SLC24A2: variants seen among roughly 807,000 people sequenced by gnomAD.
SLC24A2 encodes solute carrier family 24 member 2.
SLC24A2 carries 36 observed loss-of-function variants against 62.0 expected under a neutral mutation model. The ratio of observed to expected loss-of-function variants is 0.58; its 90% CI spans 0.44 to 0.77. SLC24A2 has a LOEUF of 0.77. Ranked by LOEUF, SLC24A2 falls within the 30% of genes least tolerant of loss-of-function variation. SLC24A2 has a pLI of 0.00. For missense variants in SLC24A2, 846 were observed against 817.9 expected, an observed-to-expected ratio of 1.03 and a Z score of -0.42; for synonymous variants, 358 against 294.0, an observed-to-expected ratio of 1.22 and a Z score of -2.23.
At chr9:19,698,609 C>T (rs148876932) in intron 2 of SLC24A2, among the ~76,000 whole-genome samples, 5 of 152,224 alleles carry the variant, frequency 3.3e-5, no homozygotes, top group African/African-American at 7.2e-5. Context: ...TTCATTTGTT[C>T]GCTCCTTTTA....
At chr9:19,648,215 C>G (rs1041495763) in intron 2 of SLC24A2, among the ~76,000 whole-genome samples, 1 of 152,166 alleles carries the variant, frequency 6.6e-6, no homozygotes, top group African/African-American at 2.4e-5. Flanking sequence ...CAAGGTTAAA[C>G]AACATGTTCA....
At chr9:19,574,456 T>C (rs747794131) in intron 6 of SLC24A2, among the ~76,000 whole-genome samples, 1 of 152,164 alleles carries the variant, frequency 6.6e-6, no homozygotes, top group Non-Finnish European at 1.5e-5. Flanking sequence ...GTTTCACCCT[T>C]TGCAAGTGAC....
the SLC24A2 span, among the ~76,000 whole-genome samples, chr9:20,100,230 T>C: frequency 9.2e-5 from 14 of 152,180 alleles, no homozygotes; most frequent in African/African-American, 3.4e-4. Context: ...TGTTTTGTTT[T>C]GTTTTGTTTT....
intron 8 of SLC24A2, among the ~76,000 whole-genome samples, chr9:19,546,353 G>T (rs964393781): frequency 6.6e-6 from 1 of 152,176 alleles, no homozygotes; most frequent in South Asian, 2.1e-4. Context: ...ATGTTTGGGG[G>T]TACTGCCTTT....
the SLC24A2 span, among the ~76,000 whole-genome samples, chr9:19,992,596 C>T: frequency 6.6e-6 from 1 of 152,282 alleles, no homozygotes; most frequent in East Asian, 1.9e-4. Flanking sequence ...ATTTTATGTG[C>T]TTCTGCAAGA....
At chr9:20,278,771 C>T in the SLC24A2 span, among the ~76,000 whole-genome samples, 2 of 152,322 alleles carry the variant, frequency 1.3e-5, no homozygotes, top group East Asian at 1.9e-4. Flanking sequence ...CCAACCTTTA[C>T]CTGCCCAGTT....
At chr9:20,185,705 C>G in the SLC24A2 span, among the ~76,000 whole-genome samples, 5 of 151,600 alleles carry the variant, frequency 3.3e-5, no homozygotes, top group Admixed American at 3.3e-4. Flanking sequence ...AAACATTACT[C>G]AGCCCCCAAC....
the SLC24A2 span, among the ~76,000 whole-genome samples, chr9:20,077,962 G>T: frequency 2.0e-5 from 3 of 152,146 alleles, no homozygotes; most frequent in Non-Finnish European, 4.4e-5. Context: ...TAGAGGTTAG[G>T]CTCCACTAAA....
the SLC24A2 span, among the ~76,000 whole-genome samples, chr9:19,809,009 T>C: frequency 2.0e-5 from 3 of 152,224 alleles, no homozygotes; most frequent in Admixed American, 1.3e-4. Flanking sequence ...TCTCCAAAGA[T>C]TGAGGTTCTG....
chr9:19,560,914 TATAGAGAGAGAGAGAGAG>T lies in SLC24A2; in HGVS notation c.1348-10664_1348-10647del, dbSNP rs1382484507. On this transcript the variant is annotated intron_variant, in intron 7 of 10. Coordinates refer to ENST00000341998, the MANE Select transcript of SLC24A2 (RefSeq NM_020344.4). ...GTGTGTGTGTATATATATATATATA[TATAGAGAGAGAGAGAGAG>T]AGAGAGAGAGAGAGACAGAGTCTTA... Among the ~76,000 whole-genome samples the T allele has an allele frequency of 4.0e-4, 43 of 106,444 alleles. No homozygotes were observed. In the East Asian group the frequency reaches 0.013, roughly 32 times the overall value. 69.8% of individuals were successfully genotyped at this position (106,444 alleles called of 152,430 possible). A position where few individuals can be genotyped will look rare whatever the true frequency, so the allele number is the denominator to read the frequency against.
chr9:19,767,916 T>G (rs1374441269), intron 2 of SLC24A2, among the ~76,000 whole-genome samples: 2 of 152,196 alleles, frequency 1.3e-5, no homozygotes, highest in Admixed American at 1.3e-4. Context: ...AGGCTGCACC[T>G]GCTAAGAGTC....
the SLC24A2 span, among the ~76,000 whole-genome samples, chr9:20,032,661 G>A: frequency 6.6e-6 from 1 of 152,262 alleles, no homozygotes; most frequent in African/African-American, 2.4e-5. Context: ...TGAGTGCTCA[G>A]TTTTTCAGTT....
the SLC24A2 span, among the ~76,000 whole-genome samples, chr9:19,971,287 C>T: frequency 2.0e-5 from 3 of 152,136 alleles, no homozygotes; most frequent in African/African-American, 7.2e-5. Flanking sequence ...CTTCCAGATG[C>T]ATGAGTAAAG....
intron 7 of SLC24A2, among the ~76,000 whole-genome samples, chr9:19,564,020 AT>A (rs969955567): frequency 6.6e-6 from 1 of 151,606 alleles, no homozygotes; most frequent in African/African-American, 2.4e-5. Flanking sequence ...TGCCCTGCTA[AT>A]TTTTTGTATT....
In SLC24A2 at chr9:19,509,649, C is replaced by G. The variant is rs545561541; in HGVS notation, c.*6504G>C. 1 of 152,118 alleles carries G rather than the reference C, an allele frequency of 6.6e-6. No individual in the cohort carries two copies. The highest frequency in any genetic ancestry group is 2.1e-4 in the South Asian group (1 of 4,810). 9.4% of individuals were successfully genotyped at this position (152,118 alleles called of 1,614,324 possible). ...AATTAAATGGCAAGAAGTTATCTAC[C>G]CTTAATTTATGCATGTAATTTCATC... On this transcript the variant is annotated 3_prime_UTR_variant, in exon 11 of 11. Transcript: ENST00000341998.
the SLC24A2 span, among the ~76,000 whole-genome samples, chr9:20,005,333 T>C: frequency 1.0e-3 from 156 of 152,270 alleles, 1 homozygote; most frequent in African/African-American, 3.6e-3. Context: ...TAAAAGTGTT[T>C]AAGGAATCAA....
At chr9:20,070,878 T>C in the SLC24A2 span, among the ~76,000 whole-genome samples, 3 of 152,188 alleles carry the variant, frequency 2.0e-5, no homozygotes, top group Non-Finnish European at 2.9e-5. Flanking sequence ...GGATCTATGT[T>C]CCTGCCCAAA....
the SLC24A2 span, among the ~76,000 whole-genome samples, chr9:20,089,270 G>A: frequency 3.7e-4 from 56 of 152,054 alleles, 1 homozygote; most frequent in East Asian, 8.1e-3. Context: ...TACAGGTCCC[G>A]GTCCCGGTCC....
At chr9:20,136,197 A>G in the SLC24A2 span, among the ~76,000 whole-genome samples, 1 of 152,154 alleles carries the variant, frequency 6.6e-6, no homozygotes, top group Non-Finnish European at 1.5e-5. Flanking sequence ...ATTGAGTTTT[A>G]AAGGAGGAGA....
Sources: allele counts gnomAD v4.1 joint callset (sites outside exome capture counted in the v4.1 genomes callset), GRCh38; gene constraint gnomAD v4.1.1; transcripts MANE v1.5; gene names NCBI Gene and HGNC (gene_info 2026-07-23, HGNC 2026-07-21).